Variants in CBFA2T3 observed in about 807,000 individuals in gnomAD.
CBFA2T3 encodes CBFA2/RUNX1 partner transcriptional co-repressor 3, also known as transcriptional corepressor CBFA2T3.
Under a neutral mutation model 58.6 loss-of-function variants are expected in CBFA2T3, and 31 were observed. The observed-to-expected ratio is 0.53, with a 90% CI of 0.40 to 0.71. CBFA2T3 has a LOEUF of 0.71. Ranked by LOEUF, CBFA2T3 falls within the 30% of genes least tolerant of loss-of-function variation. The pLI, the probability that CBFA2T3 is intolerant of heterozygous loss-of-function variation, is 0.00. For synonymous variants in CBFA2T3, 531 were observed against 421.9 expected (o/e 1.26, Z -3.17); for missense variants, 1,076 against 963.1 (o/e 1.12, Z -1.55).
chr16:88,931,926 T>G (rs1423513467), intron 1 of CBFA2T3, among the ~76,000 whole-genome samples: 1 of 152,006 alleles, frequency 6.6e-6, no homozygotes. Flanking sequence ...TTGTGGAACA[T>G]TCTCTGAGGC....
intron 1 of CBFA2T3, among the ~76,000 whole-genome samples, chr16:88,922,582 C>T (rs1970956955): frequency 6.6e-6 from 1 of 152,214 alleles, no homozygotes; most frequent in African/African-American, 2.4e-5. Flanking sequence ...CCTCTCCTAT[C>T]CCACGCCAGG....
Position 88,875,975 on chromosome 16 carries a change from C to T in CBFA2T3, c.*1001G>A, listed in dbSNP as rs1048059609. 6.4e-5 allele frequency: 15 copies of T among 233,084 alleles called. No homozygotes were observed. The highest frequency in any genetic ancestry group is 1.2e-4 in the East Asian group (2 of 16,560). The allele number at this position is 233,084 out of a possible 1,614,324, so 14.4% of individuals were successfully genotyped here. A position where few individuals can be genotyped will look rare whatever the true frequency, so the allele number is the denominator to read the frequency against. The stretch of plus-strand genomic sequence containing the variant: ...CGCCTACGCAGAAGAGAACAAAAGT[C>T]GCTTCTAACTGGGCACAAACCCTCT... On this transcript the variant is annotated 3_prime_UTR_variant, in exon 12 of 12. Transcript: ENST00000268679.
At chr16:88,916,753 C>A (rs1000110087) in intron 1 of CBFA2T3, among the ~76,000 whole-genome samples, 8 of 152,112 alleles carry the variant, frequency 5.3e-5, no homozygotes, top group Non-Finnish European at 1.2e-4. Context: ...TGCCTCTTGG[C>A]CACTGGCACA....
chr16:88,898,890 G>C (rs771577478), intron 2 of CBFA2T3, among the ~76,000 whole-genome samples: 39 of 152,364 alleles, frequency 2.6e-4, no homozygotes, highest in Non-Finnish European at 1.5e-4. Flanking sequence ...GATTGAATTT[G>C]TTCGAGCTGA....
intron 1 of CBFA2T3, among the ~76,000 whole-genome samples, chr16:88,971,795 C>G (rs927876308): frequency 5.3e-5 from 8 of 152,168 alleles, no homozygotes; most frequent in African/African-American, 1.9e-4. Context: ...CCGGCGAGTC[C>G]TGGCTCAGCT....
At chr16:88,948,038 A>G (rs950560530) in intron 1 of CBFA2T3, among the ~76,000 whole-genome samples, 3 of 152,326 alleles carry the variant, frequency 2.0e-5, no homozygotes, top group African/African-American at 7.2e-5. Context: ...AAAAGACAGG[A>G]TTTGACATTA....
intron 3 of CBFA2T3, among the ~76,000 whole-genome samples, chr16:88,896,102 T>A (rs1428963817): frequency 6.6e-6 from 1 of 152,140 alleles, no homozygotes; most frequent in Non-Finnish European, 1.5e-5. Flanking sequence ...ATGGGTCGGG[T>A]GTTGTGTGAG....
intron 9 of CBFA2T3, 182 bp downstream of exon 9, chr16:88,881,109 T>C: frequency 1.4e-6 from 1 of 734,098 alleles, no homozygotes; most frequent in Non-Finnish European, 2.4e-6. Context: ...CACCAGACGC[T>C]CTGAGCTCCA....
At position 88,880,786 on chromosome 16, in the gene CBFA2T3, C is replaced by CGTCT. The variant is rs1567573337; in HGVS notation, c.1403-2_1404dup (p.Val469ArgfsTer17). 6.3e-7 allele frequency: 1 copy of CGTCT among 1,582,008 alleles called. No homozygotes were observed. Among genetic ancestry groups the CGTCT allele is most frequent in the Admixed American group, 1.8e-5 (1 of 56,560 alleles). On this transcript the variant is annotated frameshift_variant and splice_region_variant, in exon 10 of 12. Transcript: ENST00000268679. LOFTEE classifies it high-confidence loss of function. Reference sequence around the variant, plus strand: ...GTCCTCGGCAGGAACTCGCGAGGCACGTCTGAAACAGGGGCCGGCGTCACA... The same window carrying CGTCT: ...GTCCTCGGCAGGAACTCGCGAGGCACGTCTGTCTGAAACAGGGGCCGGCGTCACA...
At chr16:88,898,016 C>T (rs909087004) in intron 3 of CBFA2T3, 62 bp downstream of exon 3, 1 of 1,237,452 alleles carries the variant, frequency 8.1e-7, no homozygotes, top group Non-Finnish European at 1.2e-6. Flanking sequence ...AGTGTTGGGC[C>T]AGCTGAGGAT....
chr16:88,890,597 T>C lies in CBFA2T3; in HGVS notation c.711+1285A>G, dbSNP rs548871522. On this transcript the variant is annotated intron_variant, in intron 5 of 11. Transcript: ENST00000268679. ...CTCCTGCTAGAGATGTGCAGCCGTC[T>C]TGGGGAAATGGAGACCCGCAGAGAT... Among the ~76,000 whole-genome samples the C allele has an allele frequency of 4.6e-5, 7 of 152,350 alleles. No individual in the cohort carries two copies. In the East Asian group the frequency reaches 1.3e-3, roughly 29 times the overall value.
At chr16:88,899,804 C>G (rs1333572724) in intron 2 of CBFA2T3, among the ~76,000 whole-genome samples, 1 of 152,190 alleles carries the variant, frequency 6.6e-6, no homozygotes, top group African/African-American at 2.4e-5. Context: ...GCGCCCATGG[C>G]CGGGTCTCCC....
intron 1 of CBFA2T3, among the ~76,000 whole-genome samples, chr16:88,904,090 A>C (rs1370196368): frequency 6.6e-6 from 1 of 152,204 alleles, no homozygotes; most frequent in Non-Finnish European, 1.5e-5. Context: ...ACAAGGGCTC[A>C]TGGCCACCAC....
In CBFA2T3 at chr16:88,919,037, A is replaced by G. The variant is rs576291741; in HGVS notation, c.152-17381T>C. Among the ~76,000 whole-genome samples, 20 of 152,348 alleles carry G rather than the reference A, an allele frequency of 1.3e-4. No individual in the cohort carries two copies. In the South Asian group the frequency reaches 2.7e-3, roughly 21 times the overall value. The stretch of plus-strand genomic sequence containing the variant: ...GTACTTTATGTTCTTAGCTCCCACA[A>G]TTTAGCCTAAGTATCTGCCCTGGCA... On this transcript the variant is annotated intron_variant, in intron 1 of 11. Coordinates refer to ENST00000268679, the MANE Select transcript of CBFA2T3 (RefSeq NM_005187.6).
intron 1 of CBFA2T3, among the ~76,000 whole-genome samples, chr16:88,920,145 C>CGCAAGTCA (rs1413491958): frequency 6.6e-6 from 1 of 152,208 alleles, no homozygotes; most frequent in Non-Finnish European, 1.5e-5. Context: ...ACCAGGGACT[C>CGCAAGTCA]GCAAGTCAGC....
chr16:88,889,329 A>T (rs1485378958), intron 5 of CBFA2T3, among the ~76,000 whole-genome samples: 2 of 104,074 alleles, frequency 1.9e-5, no homozygotes, highest in Admixed American at 2.1e-4. Flanking sequence ...GCAGGAGGAA[A>T]GGAGGGGGTG....
rs554257521 is a variant in CBFA2T3 at position 88,951,327 on chromosome 16, T to C, written c.151+25330A>G. Reference sequence around the variant, plus strand: ...GGGTCGAGTGTTGGCACCTGTCTTCTGGGTCTCCATCCCTCCCTTTGTTTG... The same window carrying C: ...GGGTCGAGTGTTGGCACCTGTCTTCCGGGTCTCCATCCCTCCCTTTGTTTG... On this transcript the variant is annotated intron_variant, in intron 1 of 11. Coordinates refer to ENST00000268679, the MANE Select transcript of CBFA2T3 (RefSeq NM_005187.6). 987 of 457,468 alleles carry C rather than the reference T, an allele frequency of 2.2e-3. 6 individuals carry two copies. The highest frequency in any genetic ancestry group is 0.017 in the African/African-American group (865 of 50,208). The allele number at this position is 457,468 out of a possible 1,614,324, so 28.3% of individuals were successfully genotyped here. A position where few individuals can be genotyped will look rare whatever the true frequency, so the allele number is the denominator to read the frequency against.
intron 1 of CBFA2T3, among the ~76,000 whole-genome samples, chr16:88,915,703 A>C (rs1285048914): frequency 2.5e-5 from 1 of 40,130 alleles, no homozygotes; most frequent in Non-Finnish European, 4.6e-5. Context: ...GGGAGCGTGG[A>C]CGGGGGGAGC....
At chr16:88,967,771 G>C (rs13337667) in intron 1 of CBFA2T3, among the ~76,000 whole-genome samples, 1 of 152,100 alleles carries the variant, frequency 6.6e-6, no homozygotes, top group African/African-American at 2.4e-5. Flanking sequence ...CTGGGGGCTC[G>C]TCGCGGCTCA....
Sources: allele counts gnomAD v4.1 joint callset (sites outside exome capture counted in the v4.1 genomes callset), GRCh38; gene constraint gnomAD v4.1.1; transcripts MANE v1.5; gene names NCBI Gene and HGNC (gene_info 2026-07-23, HGNC 2026-07-21).